IQCM: variants seen among roughly 807,000 people sequenced by gnomAD.
IQCM encodes the protein IQ motif containing M, also known as IQ domain-containing protein M.
A neutral mutation model predicts 57.6 loss-of-function variants in IQCM; 45 were observed. The observed-to-expected ratio is 0.78, with a 90% CI of 0.62 to 1.00. IQCM has a LOEUF of 1.00. IQCM is among the 50% of genes least tolerant of loss of function. The probability of loss-of-function intolerance (pLI) is 0.00; values close to 1 mark genes in which losing one functional copy is unlikely to be tolerated. For missense variants in IQCM, 468 were observed against 511.6 expected (o/e 0.91, Z 0.82); for synonymous variants, 148 against 158.9 (o/e 0.93, Z 0.51).
chr4:149,718,511 G>A (rs890813013), intron 5 of IQCM, among the ~76,000 whole-genome samples: 8 of 152,166 alleles, frequency 5.3e-5, no homozygotes, highest in African/African-American at 1.7e-4. Flanking sequence ...CTTTTGACAA[G>A]GAAATTATTT....
At chr4:149,661,956 T>C (rs1760259233) in intron 7 of IQCM, among the ~76,000 whole-genome samples, 1 of 152,054 alleles carries the variant, frequency 6.6e-6, no homozygotes, top group Admixed American at 6.6e-5. Flanking sequence ...TGCTCTGAGA[T>C]TTATTATTTC....
At chr4:149,424,871 C>A (rs776743611) in intron 13 of IQCM, among the ~76,000 whole-genome samples, 1 of 151,940 alleles carries the variant, frequency 6.6e-6, no homozygotes, top group Non-Finnish European at 1.5e-5. Flanking sequence ...ATTATACACA[C>A]CTCACTAAAT....
At chr4:149,436,440 A>G (rs1195294072) in intron 12 of IQCM, among the ~76,000 whole-genome samples, 3 of 152,098 alleles carry the variant, frequency 2.0e-5, no homozygotes, top group Non-Finnish European at 4.4e-5. Flanking sequence ...TAAATGTAAC[A>G]TTAGACACAT....
chr4:149,785,631 T>G (rs1439396991), intron 2 of IQCM, among the ~76,000 whole-genome samples: 1 of 149,734 alleles, frequency 6.7e-6, no homozygotes, highest in Non-Finnish European at 1.5e-5. Context: ...AAGCATGAAA[T>G]TGTTAAAAAA....
intron 12 of IQCM, among the ~76,000 whole-genome samples, chr4:149,462,129 G>T (rs1396932185): frequency 6.6e-6 from 1 of 152,138 alleles, no homozygotes; most frequent in Non-Finnish European, 1.5e-5. Flanking sequence ...ATTTGTTAAT[G>T]TTCTGTATCT....
chr4:149,442,872 T>C lies in IQCM; in HGVS notation c.1229-9315A>G, dbSNP rs141884794. ...CAATTCTACATTTTAAGATAATCTA[T>C]ATTAGTCAGTGTTCAACTGATATAG... On this transcript the variant is annotated intron_variant, in intron 12 of 13. Transcript: ENST00000636793. Among the ~76,000 whole-genome samples, 395 of 151,788 alleles carry C rather than the reference T, an allele frequency of 2.6e-3. 5 individuals are homozygous for C. The highest frequency in any genetic ancestry group is 5.1e-3 in the East Asian group (26 of 5,134).
At chr4:149,672,085 C>G (rs1219386641) in intron 7 of IQCM, among the ~76,000 whole-genome samples, 1 of 152,100 alleles carries the variant, frequency 6.6e-6, no homozygotes, top group Non-Finnish European at 1.5e-5. Context: ...AACTAACAAA[C>G]AGAAAGGACA....
chr4:149,796,780 C>CA (rs1195716908), intron 2 of IQCM, among the ~76,000 whole-genome samples: 1 of 152,032 alleles, frequency 6.6e-6, no homozygotes, highest in African/African-American at 2.4e-5. Context: ...CCTGGTAATG[C>CA]AAAAAATTCT....
intron 2 of IQCM, among the ~76,000 whole-genome samples, chr4:149,783,484 A>C (rs1257357969): frequency 6.6e-5 from 10 of 152,164 alleles, no homozygotes; most frequent in African/African-American, 2.4e-4. Context: ...TCCCTACAGG[A>C]TATTCTTCAT....
In IQCM at chr4:149,733,382, C is replaced by T. The variant is rs557393534; in HGVS notation, c.247G>A (p.Ala83Thr). The change falls in exon 5 of 14, where the codon GCA becomes ACA. Residue 83 changes from alanine (A) to threonine (T), a missense_variant. Transcript: ENST00000636793. ...TRDVVQEHRA[A>T]LRRICFPKEL... ...TTGGGAAAGCAAATCCTTCTGAGTG[C>T]GGCCCGATGTTCTTGCACCACATCA... The T allele has an allele frequency of 6.7e-5, 82 of 1,231,824 alleles. No homozygotes were observed. The highest frequency in any genetic ancestry group is 5.8e-4 in the South Asian group (14 of 24,324). 76.3% of individuals were successfully genotyped at this position (1,231,824 alleles called of 1,614,324 possible).
intron 2 of IQCM, among the ~76,000 whole-genome samples, chr4:149,782,543 A>G (rs1375192056): frequency 6.6e-6 from 1 of 150,938 alleles, no homozygotes; most frequent in Non-Finnish European, 1.5e-5. Context: ...CCAGGCTGCA[A>G]TGAGCTATGA....
At chr4:149,528,142 C>T (rs1186795791) in intron 12 of IQCM, among the ~76,000 whole-genome samples, 1 of 152,008 alleles carries the variant, frequency 6.6e-6, no homozygotes, top group Non-Finnish European at 1.5e-5. Context: ...CCTGGCCCCA[C>T]ACCTGGCTAA....
intron 13 of IQCM, among the ~76,000 whole-genome samples, chr4:149,363,056 G>C (rs535307424): frequency 6.6e-6 from 1 of 152,300 alleles, no homozygotes; most frequent in African/African-American, 2.4e-5. Flanking sequence ...TTTGTGAGAG[G>C]AAGTCCCCAG....
chr4:149,558,319 G>T (rs1749781119), intron 10 of IQCM, among the ~76,000 whole-genome samples: 1 of 152,176 alleles, frequency 6.6e-6, no homozygotes, highest in African/African-American at 2.4e-5. Context: ...ACCTGCATCA[G>T]CATATTTAGA....
intron 13 of IQCM, among the ~76,000 whole-genome samples, chr4:149,389,457 C>T (rs1357668998): frequency 6.6e-6 from 1 of 151,630 alleles, no homozygotes; most frequent in Non-Finnish European, 1.5e-5. Flanking sequence ...TGGAACCAAC[C>T]CAAATGTCCA....
chr4:149,472,223 C>T (rs1739646426), intron 12 of IQCM, among the ~76,000 whole-genome samples: 1 of 152,162 alleles, frequency 6.6e-6, no homozygotes, highest in Non-Finnish European at 1.5e-5. Context: ...TAGAAAACCC[C>T]ATCATCTCAG....
chr4:149,692,354 A>T (rs1763002745), intron 5 of IQCM, among the ~76,000 whole-genome samples: 1 of 152,236 alleles, frequency 6.6e-6, no homozygotes, highest in African/African-American at 2.4e-5. Context: ...AAGACCATCA[A>T]CAGTATCTAT....
At chr4:149,630,447 G>A (rs1182553747) in intron 7 of IQCM, among the ~76,000 whole-genome samples, 2 of 152,192 alleles carry the variant, frequency 1.3e-5, no homozygotes, top group African/African-American at 4.8e-5. Context: ...AAGCAAGAAA[G>A]ACAGAGGTCC....
chr4:149,771,069 T>C (rs756373411), intron 2 of IQCM, among the ~76,000 whole-genome samples: 1 of 152,036 alleles, frequency 6.6e-6, no homozygotes, highest in Non-Finnish European at 1.5e-5. Context: ...ATGTCCTAAA[T>C]AGTAAAAGAA....
Sources: gnomAD v4.1 joint callset for allele counts (sites outside exome capture counted in the v4.1 genomes callset) on GRCh38, gnomAD v4.1.1 for gene constraint, MANE v1.5 for transcripts, NCBI Gene and HGNC (gene_info 2026-07-23, HGNC 2026-07-21) for gene names.